The following CNTN5 variants were observed in gnomAD, a reference collection of about 807,000 sequenced individuals.
The protein encoded by CNTN5 is contactin-5.
A neutral mutation model predicts 129.1 loss-of-function variants in CNTN5; 77 were observed. That is an observed-to-expected ratio of 0.60 (90% confidence interval 0.50 to 0.72). CNTN5 has a LOEUF of 0.72. Ranked by LOEUF, CNTN5 falls within the 30% of genes least tolerant of loss-of-function variation. The pLI is 0.00. For missense variants in CNTN5, 1,478 were observed against 1,328.8 expected, an observed-to-expected ratio of 1.11 and a Z score of -1.75; for synonymous variants, 509 against 465.6, an observed-to-expected ratio of 1.09 and a Z score of -1.20.
intron 7 of CNTN5, among the ~76,000 whole-genome samples, chr11:99,924,763 T>G (rs7115696): frequency 0.48 from 73,494 of 151,882 alleles, 18,185 homozygotes; most frequent in Non-Finnish European, 0.54. Flanking sequence ...AAATTTAATA[T>G]TTTATATGCT....
At chr11:100,045,168 A>G (rs1265742760) in intron 9 of CNTN5, among the ~76,000 whole-genome samples, 1 of 151,960 alleles carries the variant, frequency 6.6e-6, no homozygotes, top group Non-Finnish European at 1.5e-5. Context: ...ATTGTACAAG[A>G]AGATGTAAAG....
chr11:99,732,921 C>T lies in CNTN5; in HGVS notation c.56-86623C>T, dbSNP rs143858852. Among the ~76,000 whole-genome samples, 78 of 152,100 alleles carry T rather than the reference C, an allele frequency of 5.1e-4. No individual in the cohort carries two copies. In the East Asian group the frequency reaches 8.5e-3, roughly 17 times the overall value. Reference sequence around the variant, plus strand: ...AGATGTATAGAAATAAAAGATATGCCTTTTATTGACATCTTTGATTGGTGT... The same window carrying T: ...AGATGTATAGAAATAAAAGATATGCTTTTTATTGACATCTTTGATTGGTGT... On this transcript the variant is annotated intron_variant, in intron 3 of 24. Transcript: ENST00000524871.
At chr11:99,300,477 T>C (rs1407706079) in intron 1 of CNTN5, among the ~76,000 whole-genome samples, 1 of 152,096 alleles carries the variant, frequency 6.6e-6, no homozygotes, top group African/African-American at 2.4e-5. Flanking sequence ...CATTTGATCA[T>C]GGTGTATTAT....
At chr11:99,469,381 C>T (rs113909035) in intron 2 of CNTN5, among the ~76,000 whole-genome samples, 1,889 of 151,894 alleles carry the variant, frequency 0.012, 40 homozygotes, top group African/African-American at 0.042. Context: ...TCTTACAGTC[C>T]GTAGAGATTG....
intron 2 of CNTN5, among the ~76,000 whole-genome samples, chr11:99,420,503 T>C (rs1942841400): frequency 6.6e-6 from 1 of 152,154 alleles, no homozygotes; most frequent in Non-Finnish European, 1.5e-5. Context: ...CCTCTAGTGT[T>C]GTCATAAAAA....
rs541450180 is a variant in CNTN5 at position 99,745,441 on chromosome 11, C to T, written c.56-74103C>T. ...GGTATATTGGTTTTATAAGTTAAAA[C>T]TGGGGCTAAGGATGGAAAATAGTAG... On this transcript the variant is annotated intron_variant, in intron 3 of 24. Transcript: ENST00000524871. Among the ~76,000 whole-genome samples, 3 of 152,234 alleles carry T rather than the reference C, an allele frequency of 2.0e-5. No homozygotes were observed. The East Asian group carries it at 5.8e-4, about 29-fold the overall frequency.
chr11:100,005,080 C>G (rs1565780305), intron 9 of CNTN5, among the ~76,000 whole-genome samples: 1 of 152,146 alleles, frequency 6.6e-6, no homozygotes, highest in Non-Finnish European at 1.5e-5. Flanking sequence ...CTTTAATCCC[C>G]AAGAAGGCAG....
At chr11:99,274,082 C>A (rs574298622) in intron 1 of CNTN5, among the ~76,000 whole-genome samples, 1 of 151,754 alleles carries the variant, frequency 6.6e-6, no homozygotes, top group African/African-American at 2.4e-5. Context: ...AGTAGCCACA[C>A]GTAGCTAGTG....
chr11:99,822,244 C>G lies in CNTN5; in HGVS notation c.277+2479C>G, dbSNP rs1017012561. Among the ~76,000 whole-genome samples, 6 of 152,140 alleles carry G rather than the reference C, an allele frequency of 3.9e-5. No homozygotes were observed. The South Asian group carries it at 8.3e-4, about 21-fold the overall frequency. ...CAGCTTACAGAGCAATTTGGGGAAGCAATTCTACTTCCGGATATACAACTT... is the reference window on the plus strand; with the variant it reads ...CAGCTTACAGAGCAATTTGGGGAAGGAATTCTACTTCCGGATATACAACTT... On this transcript the variant is annotated intron_variant, in intron 4 of 24. Transcript: ENST00000524871.
At chr11:99,124,744 A>G (rs1377697745) in intron 1 of CNTN5, among the ~76,000 whole-genome samples, 1 of 151,976 alleles carries the variant, frequency 6.6e-6, no homozygotes, top group Non-Finnish European at 1.5e-5. Context: ...AAAAAGAGGC[A>G]TGTTCCAAAT....
At chr11:99,188,032 A>T (rs774931307) in intron 1 of CNTN5, among the ~76,000 whole-genome samples, 1 of 151,864 alleles carries the variant, frequency 6.6e-6, no homozygotes, top group Non-Finnish European at 1.5e-5. Context: ...AAAACTTGGC[A>T]TATAGTAACA....
At chr11:100,169,867 C>A (rs544893621) in intron 13 of CNTN5, among the ~76,000 whole-genome samples, 1 of 151,866 alleles carries the variant, frequency 6.6e-6, no homozygotes, top group Non-Finnish European at 1.5e-5. Flanking sequence ...TCATTCACAC[C>A]GGCCTTCTCT....
intron 1 of CNTN5, among the ~76,000 whole-genome samples, chr11:99,266,089 A>G (rs1187306896): frequency 6.6e-6 from 1 of 152,046 alleles, no homozygotes; most frequent in African/African-American, 2.4e-5. Context: ...ATAAGTTCAG[A>G]AAGGAAATGG....
intron 6 of CNTN5, among the ~76,000 whole-genome samples, chr11:99,883,609 A>G (rs771746770): frequency 4.6e-5 from 7 of 152,218 alleles, no homozygotes; most frequent in African/African-American, 7.2e-5. Context: ...AACAAAACAA[A>G]ACAAAACAGT....
chr11:99,200,198 A>T (rs2135624451), intron 1 of CNTN5, among the ~76,000 whole-genome samples: 1 of 152,298 alleles, frequency 6.6e-6, no homozygotes, highest in East Asian at 1.9e-4. Context: ...TATTACCATT[A>T]GCTATCTGAT....
chr11:100,004,381 A>G (rs1464198051), intron 9 of CNTN5, among the ~76,000 whole-genome samples: 1 of 152,010 alleles, frequency 6.6e-6, no homozygotes, highest in Non-Finnish European at 1.5e-5. Context: ...GGGGGCTCTC[A>G]TTCATCCTCT....
intron 13 of CNTN5, among the ~76,000 whole-genome samples, chr11:100,107,458 C>CTTA (rs1035357545): frequency 6.7e-6 from 1 of 148,976 alleles, no homozygotes; most frequent in Non-Finnish European, 1.5e-5. Flanking sequence ...GAATCACAGG[C>CTTA]TTATTTCCAG....
At chr11:99,276,353 C>G (rs1863429830) in intron 1 of CNTN5, among the ~76,000 whole-genome samples, 1 of 151,620 alleles carries the variant, frequency 6.6e-6, no homozygotes, top group Admixed American at 6.6e-5. Context: ...TATTTATGTT[C>G]TGAAATAATA....
chr11:99,100,166 C>T (rs1172054886), intron 1 of CNTN5, among the ~76,000 whole-genome samples: 2 of 152,056 alleles, frequency 1.3e-5, no homozygotes, highest in African/African-American at 4.8e-5. Flanking sequence ...AGAGAGGAAA[C>T]CACTTATCTT....
Sources: gnomAD v4.1 joint callset for allele counts (sites outside exome capture counted in the v4.1 genomes callset) on GRCh38, gnomAD v4.1.1 for gene constraint, MANE v1.5 for transcripts, NCBI Gene and HGNC (gene_info 2026-07-23, HGNC 2026-07-21) for gene names.